Variants in ASH1L observed in about 807,000 individuals in gnomAD.
ASH1L encodes ASH1 like histone lysine methyltransferase.
ASH1L carries 23 observed loss-of-function variants against 269.0 expected under a neutral mutation model. The observed-to-expected ratio is 0.09, with a 90% CI of 0.06 to 0.12. The LOEUF (loss-of-function observed/expected upper bound fraction) is 0.12. Ranked by LOEUF, ASH1L falls within the 10% of genes least tolerant of loss-of-function variation. ASH1L has a pLI of 1.00. For missense variants in ASH1L, 2,912 were observed against 3,567.8 expected (o/e 0.82, Z 4.68); for synonymous variants, 1,187 against 1,253.5 (o/e 0.95, Z 1.12).
At position 155,540,348 on chromosome 1, in the gene ASH1L, C is replaced by G. The variant is rs964104509; in HGVS notation, c.-99-18730G>C. Among the ~76,000 whole-genome samples, 5 of 152,178 alleles carry G rather than the reference C, an allele frequency of 3.3e-5. No individual in the cohort carries two copies. The East Asian group carries it at 9.6e-4, about 29-fold the overall frequency. On this transcript the variant is annotated intron_variant, in intron 1 of 27. Coordinates refer to ENST00000392403, the MANE Select transcript of ASH1L (RefSeq NM_018489.3). The stretch of plus-strand genomic sequence containing the variant: ...TCAATAAACTAATATATGAAAAGTA[C>G]TTAGAACAGCACTTCACAGTATCAC...
chr1:155,421,190 T>C (rs1041224819), intron 5 of ASH1L, among the ~76,000 whole-genome samples: 6 of 142,910 alleles, frequency 4.2e-5, no homozygotes, highest in African/African-American at 1.1e-4. Flanking sequence ...CAGTAAGCCA[T>C]TGCACTCCAG....
At chr1:155,380,483 A>G (rs1308945362) in intron 7 of ASH1L, among the ~76,000 whole-genome samples, 1 of 152,162 alleles carries the variant, frequency 6.6e-6, no homozygotes, top group East Asian at 1.9e-4. Context: ...GATTACAAAA[A>G]GGAGAAATTC....
At chr1:155,425,615 T>C (rs1403288560) in intron 5 of ASH1L, among the ~76,000 whole-genome samples, 1 of 151,806 alleles carries the variant, frequency 6.6e-6, no homozygotes, top group Non-Finnish European at 1.5e-5. Flanking sequence ...TTTGTATTTT[T>C]AGTAGAGACC....
Position 155,458,716 on chromosome 1 carries a change from A to AAAAC in ASH1L, c.5086+1077_5086+1080dup, listed in dbSNP as rs1255720918. Among the ~76,000 whole-genome samples, 6 of 146,280 alleles carry AAAAC rather than the reference A, an allele frequency of 4.1e-5. No individual in the cohort carries two copies. In the East Asian group the frequency reaches 7.8e-4, roughly 19 times the overall value. ...TGGGCAACAGAGTGGGACTCATCTCAAAACCAACCAACCAACCAACCAACC... is the reference window on the plus strand; with the variant it reads ...TGGGCAACAGAGTGGGACTCATCTCAAAACAAACCAACCAACCAACCAACCAACC... On this transcript the variant is annotated intron_variant, in intron 4 of 27. Coordinates refer to ENST00000392403, the MANE Select transcript of ASH1L (RefSeq NM_018489.3).
At chr1:155,510,229 T>C (rs1406237488) in intron 2 of ASH1L, among the ~76,000 whole-genome samples, 1 of 151,464 alleles carries the variant, frequency 6.6e-6, no homozygotes, top group Non-Finnish European at 1.5e-5. Context: ...GCCTGACCAA[T>C]TTGGAGAAAC....
At chr1:155,502,211 T>C (rs1416329685) in intron 2 of ASH1L, among the ~76,000 whole-genome samples, 1 of 150,904 alleles carries the variant, frequency 6.6e-6, no homozygotes, top group African/African-American at 2.4e-5. Context: ...GCTGAGATTA[T>C]AGGCACGCAC....
intron 5 of ASH1L, among the ~76,000 whole-genome samples, chr1:155,416,859 TCTTCCTTTC>T (rs1373417887): frequency 1.3e-5 from 2 of 150,184 alleles, no homozygotes; most frequent in Non-Finnish European, 3.0e-5. Context: ...TCCTTCCTTT[TCTTCCTTTC>T]CTTCCTTCCC....
chr1:155,471,757 C>G (rs192322779), intron 3 of ASH1L, among the ~76,000 whole-genome samples: 1 of 152,174 alleles, frequency 6.6e-6, no homozygotes, highest in Non-Finnish European at 1.5e-5. Flanking sequence ...GGGGGTTGCA[C>G]GAAGTTGCAA....
At position 155,459,765 on chromosome 1, in the gene ASH1L, C is replaced by T. The variant is rs545489995; in HGVS notation, c.5086+32G>A. On this transcript the variant is annotated intron_variant, in intron 4 of 27. Coordinates refer to ENST00000392403, the MANE Select transcript of ASH1L (RefSeq NM_018489.3). ...TCACAAATAACAAATGGGAAACTATCTTGAAAATCTGGTAAAACAAATAGC... is the reference window on the plus strand; with the variant it reads ...TCACAAATAACAAATGGGAAACTATTTTGAAAATCTGGTAAAACAAATAGC... 1.6e-5 allele frequency: 25 copies of T among 1,545,320 alleles called. No homozygotes were observed. The East Asian group carries it at 2.2e-4, about 14-fold the overall frequency.
chr1:155,541,454 G>A (rs1323955695), intron 1 of ASH1L, among the ~76,000 whole-genome samples: 2 of 151,954 alleles, frequency 1.3e-5, no homozygotes, highest in African/African-American at 4.8e-5. Flanking sequence ...TATTTTACAT[G>A]AAACTACTAA....
intron 27 of ASH1L, 48 bp downstream of exon 27, chr1:155,338,041 C>T: frequency 5.1e-6 from 8 of 1,560,958 alleles, no homozygotes; most frequent in Non-Finnish European, 7.0e-6. Flanking sequence ...CATTCCCTCT[C>T]ATTTCGCATT....
In ASH1L at chr1:155,546,727, C is replaced by T. The variant is rs575103882; in HGVS notation, c.-100+15426G>A. Among the ~76,000 whole-genome samples the T allele has an allele frequency of 2.7e-3, 407 of 151,742 alleles. 1 individual carries two copies. Among genetic ancestry groups the T allele is most frequent in the Non-Finnish European group, 4.1e-3 (279 of 67,920 alleles). ...GAGCTGAGATCACGCCACTACACTC[C>T]ACCCTGGTGACAGAGCAAGACTCCG... On this transcript the variant is annotated intron_variant, in intron 1 of 27. Transcript: ENST00000392403.
In ASH1L at chr1:155,360,389, C is replaced by T. The variant is rs934885489; in HGVS notation, c.6707G>A (p.Arg2236Gln). 4 of 1,610,158 alleles carry T rather than the reference C, an allele frequency of 2.5e-6. No homozygotes were observed. Among genetic ancestry groups the T allele is most frequent in the South Asian group, 1.1e-5 (1 of 91,016 alleles). Residue 2236 changes from arginine to glutamine, a missense_variant, in exon 13 of 28, where the codon CGG becomes CAG. Arg to Gln is a conservative substitution (Grantham distance 43). Coordinates refer to ENST00000392403, the MANE Select transcript of ASH1L (RefSeq NM_018489.3). ...MQKWSVNGVY[R>Q]IGLYALKDMP... is the part of the protein sequence containing the mutation. Reference sequence around the variant, plus strand: ...GTCTTTAAGAGCATAGAGTCCAATCCGGTATACTCCATTAACAGACCTGTA... The same window carrying T: ...GTCTTTAAGAGCATAGAGTCCAATCTGGTATACTCCATTAACAGACCTGTA...
At chr1:155,357,131 CT>C (rs68168045) in intron 15 of ASH1L, among the ~76,000 whole-genome samples, 184 bp downstream of exon 15, 49,171 of 54,390 alleles carry the variant, frequency 0.9, 22,708 homozygotes, top group East Asian at 0.97. Context: ...AAGGGTAAGA[CT>C]TAAAAAAAAA....
chr1:155,401,069 G>A (rs1174537331), intron 6 of ASH1L, among the ~76,000 whole-genome samples: 4 of 152,094 alleles, frequency 2.6e-5, no homozygotes, highest in South Asian at 2.1e-4. Context: ...GCTGAGGCAC[G>A]AGAATCATTT....
intron 1 of ASH1L, among the ~76,000 whole-genome samples, chr1:155,555,072 G>A (rs916855004): frequency 6.6e-6 from 1 of 150,934 alleles, no homozygotes; most frequent in Non-Finnish European, 1.5e-5. Flanking sequence ...GAACTCAGGA[G>A]GAAGAGGTGC....
At chr1:155,396,961 C>CAA (rs764215662) in intron 6 of ASH1L, 8 of 73,542 alleles carry the variant, frequency 1.1e-4, no homozygotes, top group East Asian at 7.9e-4. Context: ...GACACCATCT[C>CAA]AAAAAAAAAA....
At chr1:155,489,698 C>T (rs866417136) in intron 2 of ASH1L, among the ~76,000 whole-genome samples, 23 of 151,602 alleles carry the variant, frequency 1.5e-4, no homozygotes, top group Middle Eastern at 3.4e-3. Context: ...GCGGAGCTTG[C>T]GGTGAGCTGA....
At chr1:155,339,633 G>A (rs1292812949) in intron 25 of ASH1L, among the ~76,000 whole-genome samples, 4 of 152,062 alleles carry the variant, frequency 2.6e-5, no homozygotes, top group Non-Finnish European at 1.5e-5. Context: ...ATGTCGCTTG[G>A]GGTCATACGG....
Sources: gnomAD v4.1 joint callset for allele counts (sites outside exome capture counted in the v4.1 genomes callset) on GRCh38, gnomAD v4.1.1 for gene constraint, MANE v1.5 for transcripts, NCBI Gene and HGNC (gene_info 2026-07-23, HGNC 2026-07-21) for gene names.